CHST3: variants seen among roughly 807,000 people sequenced by gnomAD.
The protein encoded by CHST3 is carbohydrate sulfotransferase 3.
Under a neutral mutation model 35.4 loss-of-function variants are expected in CHST3, and 20 were observed. The ratio of observed to expected loss-of-function variants is 0.57; its 90% CI spans 0.40 to 0.82. The LOEUF (loss-of-function observed/expected upper bound fraction) is 0.82, where lower values mean the gene tolerates loss of function less well. Among genes scored for constraint, CHST3 ranks in the 40% least tolerant of loss-of-function variants. CHST3 has a pLI of 0.00. For synonymous variants in CHST3, 334 were observed against 295.9 expected, an observed-to-expected ratio of 1.13 and a Z score of -1.32; for missense variants, 693 against 670.1, an observed-to-expected ratio of 1.03 and a Z score of -0.38.
chr10:71,965,570 C>G (rs1490157618), intron 1 of CHST3, among the ~76,000 whole-genome samples: 1 of 152,162 alleles, frequency 6.6e-6, no homozygotes, highest in Non-Finnish European at 1.5e-5. Context: ...AGGCCTGACG[C>G]CTTCATTATT....
At chr10:71,988,290 G>C (rs1839868430) in intron 1 of CHST3, among the ~76,000 whole-genome samples, 1 of 152,326 alleles carries the variant, frequency 6.6e-6, no homozygotes. Context: ...GGGGTAATAA[G>C]TACATGGCAC....
At chr10:71,983,435 A>G (rs551742155) in intron 1 of CHST3, among the ~76,000 whole-genome samples, 61 of 152,300 alleles carry the variant, frequency 4.0e-4, no homozygotes, top group Non-Finnish European at 7.6e-4. Flanking sequence ...AGATTCTCCT[A>G]GAACCATGCA....
intron 1 of CHST3, among the ~76,000 whole-genome samples, chr10:72,001,479 GT>G (rs60667128): frequency 0.2 from 29,633 of 147,172 alleles, 3,709 homozygotes; most frequent in African/African-American, 0.37. Flanking sequence ...TTTTTGGGTT[GT>G]TTTTTTTTTT....
At chr10:71,974,784 C>T (rs917719418) in intron 1 of CHST3, among the ~76,000 whole-genome samples, 19 of 152,178 alleles carry the variant, frequency 1.2e-4, no homozygotes, top group African/African-American at 4.6e-4. Context: ...TGTAGCAGGG[C>T]CAGGTCAGCA....
At chr10:71,976,590 C>T (rs1342029426) in intron 1 of CHST3, among the ~76,000 whole-genome samples, 1 of 152,180 alleles carries the variant, frequency 6.6e-6, no homozygotes, top group African/African-American at 2.4e-5. Context: ...CAGTAACTAC[C>T]CCTCCTCAGG....
chr10:71,984,464 T>C (rs1027124901), intron 1 of CHST3, among the ~76,000 whole-genome samples: 2 of 152,226 alleles, frequency 1.3e-5, no homozygotes, highest in Non-Finnish European at 2.9e-5. Context: ...ACCCTCCACC[T>C]TTAACACAAA....
At chr10:72,006,246 T>G (rs1840038183) in intron 2 of CHST3, among the ~76,000 whole-genome samples, 1 of 152,214 alleles carries the variant, frequency 6.6e-6, no homozygotes, top group African/African-American at 2.4e-5. Flanking sequence ...GACAAGATAC[T>G]TAACATTTCT....
At chr10:71,992,408 G>A (rs1304243361) in intron 1 of CHST3, among the ~76,000 whole-genome samples, 1 of 151,708 alleles carries the variant, frequency 6.6e-6, no homozygotes, top group Non-Finnish European at 1.5e-5. Context: ...GAACTCCTGG[G>A]CTCAAGGAGT....
chr10:71,990,369 CT>C (rs138507392), intron 1 of CHST3, among the ~76,000 whole-genome samples: 50 of 146,528 alleles, frequency 3.4e-4, no homozygotes, highest in East Asian at 5.9e-4. Context: ...AATAATTTTT[CT>C]TTTTTTTTTT....
intron 1 of CHST3, among the ~76,000 whole-genome samples, chr10:71,981,351 T>C (rs1216541742): frequency 1.3e-5 from 2 of 152,248 alleles, no homozygotes; most frequent in African/African-American, 2.4e-5. Context: ...CTCTGTAGCC[T>C]TGGGGCCTCC....
At position 72,011,300 on chromosome 10, in the gene CHST3, C is replaced by T. The variant is rs1198705764; in HGVS notation, c.*2829C>T. The T allele has an allele frequency of 1.3e-5, 2 of 152,162 alleles. No homozygotes were observed. Among genetic ancestry groups the T allele is most frequent in the East Asian group, 1.9e-4 (1 of 5,188 alleles). 9.4% of individuals were successfully genotyped at this position (152,162 alleles called of 1,614,324 possible). A position where few individuals can be genotyped will look rare whatever the true frequency, so the allele number is the denominator to read the frequency against. On this transcript the variant is annotated 3_prime_UTR_variant, in exon 3 of 3. Transcript: ENST00000373115. ...CCCTTGCTGCTGTATTACCTCTGCC[C>T]GGGTGTTTGAGACAGGTCACAAGCG...
At chr10:72,004,738 G>T (rs1333147837) in intron 1 of CHST3, among the ~76,000 whole-genome samples, 1 of 152,126 alleles carries the variant, frequency 6.6e-6, no homozygotes, top group African/African-American at 2.4e-5. Context: ...ATGGGAGCTT[G>T]CTACATCGGA....
chr10:71,984,542 G>A (rs142436934), intron 1 of CHST3, among the ~76,000 whole-genome samples: 33 of 152,318 alleles, frequency 2.2e-4, no homozygotes, highest in African/African-American at 7.5e-4. Flanking sequence ...TCTGTCCACT[G>A]CTGTACAGCT....
Position 72,005,762 on chromosome 10 carries a change from G to A in CHST3, c.-81G>A, listed in dbSNP as rs890396910. 25 of 1,589,874 alleles carry A rather than the reference G, an allele frequency of 1.6e-5. No homozygotes were observed. Among genetic ancestry groups the A allele is most frequent in the Non-Finnish European group, 1.9e-5 (22 of 1,160,356 alleles). On this transcript the variant is annotated 5_prime_UTR_variant, in exon 2 of 3. Coordinates refer to ENST00000373115, the MANE Select transcript of CHST3 (RefSeq NM_004273.5). ...ACAAGGGTGTCCCCCACCTGAAGAC[G>A]GCAAGCTGGGTCCTGAGTGATGCCC...
intron 1 of CHST3, among the ~76,000 whole-genome samples, chr10:71,965,080 G>A (rs1024704910): frequency 2.0e-5 from 3 of 152,194 alleles, no homozygotes; most frequent in Non-Finnish European, 4.4e-5. Context: ...TTTGTCTGCT[G>A]CCCCCGCAGC....
chr10:71,982,053 G>A (rs186320347), intron 1 of CHST3, among the ~76,000 whole-genome samples: 5 of 152,318 alleles, frequency 3.3e-5, no homozygotes, highest in African/African-American at 1.2e-4. Flanking sequence ...CTGAAATGTG[G>A]CCCCCACAGA....
chr10:71,979,086 C>T (rs574902525), intron 1 of CHST3, among the ~76,000 whole-genome samples: 16 of 152,208 alleles, frequency 1.1e-4, no homozygotes, highest in Non-Finnish European at 2.2e-4. Flanking sequence ...ACAGCGATAG[C>T]GCACACGTGT....
rs368751252 is a variant in CHST3 at position 72,013,298 on chromosome 10, G to A, written c.*4827G>A. 2.0e-4 allele frequency: 30 copies of A among 152,340 alleles called. No individual in the cohort carries two copies. The highest frequency in any genetic ancestry group is 7.0e-4 in the African/African-American group (29 of 41,564). 9.4% of individuals were successfully genotyped at this position (152,340 alleles called of 1,614,324 possible). A position where few individuals can be genotyped will look rare whatever the true frequency, so the allele number is the denominator to read the frequency against. Reference sequence around the variant, plus strand: ...TATGTACATATGCATCCACGTGTGTGTATGTGTAGCATGTAGCTCATTCTG... The same window carrying A: ...TATGTACATATGCATCCACGTGTGTATATGTGTAGCATGTAGCTCATTCTG... On this transcript the variant is annotated 3_prime_UTR_variant, in exon 3 of 3. Transcript: ENST00000373115.
chr10:71,965,690 C>T lies in CHST3; in HGVS notation c.-108+996C>T, dbSNP rs183353996. Among the ~76,000 whole-genome samples the T allele has an allele frequency of 1.8e-3, 270 of 152,312 alleles. 4 individuals are homozygous for T. The highest frequency in any genetic ancestry group is 2.8e-4 in the Non-Finnish European group (19 of 68,008). Reference sequence around the variant, plus strand: ...CATAGTGCCTGGCACAGTGGGCACTCAGTCAGTACTTGCTTGATGAATAAT... The same window carrying T: ...CATAGTGCCTGGCACAGTGGGCACTTAGTCAGTACTTGCTTGATGAATAAT... On this transcript the variant is annotated intron_variant, in intron 1 of 2. Transcript: ENST00000373115.
Sources: gnomAD v4.1 joint callset for allele counts (sites outside exome capture counted in the v4.1 genomes callset) on GRCh38, gnomAD v4.1.1 for gene constraint, MANE v1.5 for transcripts, NCBI Gene and HGNC (gene_info 2026-07-23, HGNC 2026-07-21) for gene names.